ARMC8: variants seen among roughly 807,000 people sequenced by gnomAD.
ARMC8 encodes the protein armadillo repeat-containing protein 8.
ARMC8 carries 20 observed loss-of-function variants against 99.3 expected under a neutral mutation model. That is an observed-to-expected ratio of 0.20 (90% confidence interval 0.14 to 0.29). The LOEUF is 0.29. Among genes scored for constraint, ARMC8 ranks in the 10% least tolerant of loss-of-function variants. The pLI is 1.00. For synonymous variants in ARMC8, 263 were observed against 278.3 expected, an observed-to-expected ratio of 0.95 and a Z score of 0.55; for missense variants, 569 against 809.5, an observed-to-expected ratio of 0.70 and a Z score of 3.60.
At chr3:138,236,547 T>C (rs1306059001) in intron 7 of ARMC8, among the ~76,000 whole-genome samples, 4 of 152,218 alleles carry the variant, frequency 2.6e-5, no homozygotes. Context: ...GTGCCATTAA[T>C]GTATTCTAGG....
chr3:138,257,456 G>A (rs987362610), intron 12 of ARMC8, among the ~76,000 whole-genome samples: 1 of 152,110 alleles, frequency 6.6e-6, no homozygotes, highest in African/African-American at 2.4e-5. Flanking sequence ...TGAAAGATTG[G>A]TTTTCCATTT....
intron 14 of ARMC8, among the ~76,000 whole-genome samples, chr3:138,266,943 C>G (rs902846546): frequency 2.6e-5 from 4 of 152,144 alleles, no homozygotes; most frequent in African/African-American, 9.7e-5. Context: ...TGCAGCTTCT[C>G]CAAGCAAGAC....
At chr3:138,208,888 C>T (rs1209409798) in intron 1 of ARMC8, among the ~76,000 whole-genome samples, 1 of 152,132 alleles carries the variant, frequency 6.6e-6, no homozygotes, top group Non-Finnish European at 1.5e-5. Context: ...AAGTGTCTTC[C>T]CTTTGTACTC....
chr3:138,229,162 A>ATATATATATATATATATG (rs2045877721), intron 6 of ARMC8, 152 bp downstream of exon 6: 1 of 75,910 alleles, frequency 1.3e-5, no homozygotes, highest in Non-Finnish European at 2.4e-5. Flanking sequence ...ATATATATAT[A>ATATATATATATATATATG]TATATATATA....
At chr3:138,259,928 C>T (rs1392356043) in intron 12 of ARMC8, among the ~76,000 whole-genome samples, 1 of 152,184 alleles carries the variant, frequency 6.6e-6, no homozygotes, top group Non-Finnish European at 1.5e-5. Flanking sequence ...ATACTTGTTT[C>T]AGTGTGTGGC....
intron 18 of ARMC8, among the ~76,000 whole-genome samples, chr3:138,278,416 A>G (rs951702752): frequency 3.9e-5 from 6 of 152,028 alleles, no homozygotes; most frequent in African/African-American, 1.4e-4. Flanking sequence ...AGGCAGGAGA[A>G]TCGCTTGAAC....
chr3:138,292,622 T>C (rs1469051680), intron 21 of ARMC8, among the ~76,000 whole-genome samples: 2 of 152,162 alleles, frequency 1.3e-5, no homozygotes, highest in Non-Finnish European at 2.9e-5. Context: ...TGTTGCCATA[T>C]ACCAAGATGG....
rs1030544456 is a variant in ARMC8 at position 138,240,158 on chromosome 3, C to T, written c.837+630C>T. On this transcript the variant is annotated intron_variant, in intron 10 of 21. Coordinates refer to ENST00000469044, the MANE Select transcript of ARMC8 (RefSeq NM_001363941.2). ...GAAAATTGAAGCAATAATTCCTGCT[C>T]ATCTATGCACAGGGTTATTGTGAGG... Among the ~76,000 whole-genome samples the T allele has an allele frequency of 9.9e-5, 15 of 152,088 alleles. 1 individual carries two copies. Among genetic ancestry groups the T allele is most frequent in the Non-Finnish European group, 4.4e-5 (3 of 68,012 alleles).
chr3:138,237,767 G>C (rs908048240), intron 9 of ARMC8, among the ~76,000 whole-genome samples, 195 bp downstream of exon 9: 1 of 152,120 alleles, frequency 6.6e-6, no homozygotes. Flanking sequence ...GTAATATGCA[G>C]AACAGGAACT....
chr3:138,239,257 A>G (rs1468800101), intron 9 of ARMC8: 2 of 444,318 alleles, frequency 4.5e-6, no homozygotes, highest in African/African-American at 2.1e-5. Context: ...GTTTTTTTAA[A>G]TATCTGGCTT....
At chr3:138,288,906 G>A (rs1267582838) in intron 19 of ARMC8, 142 bp from the exon 20 acceptor site, 1 of 619,174 alleles carries the variant, frequency 1.6e-6, no homozygotes, top group South Asian at 2.0e-5. Flanking sequence ...CAAAGTGCTG[G>A]GATTACAGGC....
chr3:138,217,135 A>T (rs2045097906), intron 2 of ARMC8, among the ~76,000 whole-genome samples: 2 of 152,158 alleles, frequency 1.3e-5, no homozygotes, highest in Non-Finnish European at 2.9e-5. Context: ...AGTACACTCT[A>T]TGATGTTCAC....
chr3:138,235,831 A>G (rs1479932767), intron 7 of ARMC8, among the ~76,000 whole-genome samples: 1 of 119,334 alleles, frequency 8.4e-6, no homozygotes, highest in Non-Finnish European at 1.6e-5. Context: ...TTTGAGACAG[A>G]GTCTCGCTTT....
chr3:138,245,266 C>G, intron 12 of ARMC8, 83 bp downstream of exon 12: 1 of 1,613,840 alleles, frequency 6.2e-7, no homozygotes, highest in Non-Finnish European at 8.5e-7. Context: ...TGGTGAAGAG[C>G]ACTAACAGTG....
At chr3:138,245,788 A>G (rs1474509094) in intron 12 of ARMC8, 2 of 985,936 alleles carry the variant, frequency 2.0e-6, no homozygotes, top group East Asian at 1.1e-4. Context: ...CACTGAACTC[A>G]TGTTCTTGAT....
chr3:138,291,473 G>C (rs1011967933), intron 21 of ARMC8, among the ~76,000 whole-genome samples: 2 of 152,146 alleles, frequency 1.3e-5, no homozygotes, highest in Non-Finnish European at 2.9e-5. Context: ...CCTGCCTTCT[G>C]CCAGGCATTG....
chr3:138,229,235 A>C (rs1454898683), intron 6 of ARMC8, among the ~76,000 whole-genome samples: 1 of 142,844 alleles, frequency 7.0e-6, no homozygotes, highest in Non-Finnish European at 1.5e-5. Context: ...TTAAAACACA[A>C]ATGACAGCAT....
At chr3:138,270,200 T>C in intron 16 of ARMC8, 68 bp downstream of exon 16, 1 of 1,191,894 alleles carries the variant, frequency 8.4e-7, no homozygotes, top group Non-Finnish European at 1.2e-6. Flanking sequence ...GTTAGAACTA[T>C]AATGTGTTAT....
chr3:138,218,180 C>T (rs2108062033), intron 2 of ARMC8, among the ~76,000 whole-genome samples: 1 of 152,226 alleles, frequency 6.6e-6, no homozygotes, highest in South Asian at 2.1e-4. Context: ...GATAGTTTAC[C>T]TAATGAATGC....
Sources: allele counts gnomAD v4.1 joint callset (sites outside exome capture counted in the v4.1 genomes callset), GRCh38; gene constraint gnomAD v4.1.1; transcripts MANE v1.5; gene names NCBI Gene and HGNC (gene_info 2026-07-23, HGNC 2026-07-21).